Variants in SOX5 observed in about 807,000 individuals in gnomAD.
SOX5 encodes the protein transcription factor SOX-5.
In SOX5, 9 loss-of-function variants were observed where a neutral mutation model predicts 92.0. The observed-to-expected ratio is 0.10, with a 90% confidence interval of 0.06 to 0.17. The LOEUF is 0.17. Among genes scored for constraint, SOX5 ranks in the 10% least tolerant of loss-of-function variants. The pLI, the probability that SOX5 is intolerant of heterozygous loss-of-function variation, is 1.00. For synonymous variants in SOX5, 344 were observed against 336.3 expected, an observed-to-expected ratio of 1.02 and a Z score of -0.25; for missense variants, 642 against 944.5, an observed-to-expected ratio of 0.68 and a Z score of 4.20.
intron 1 of SOX5, among the ~76,000 whole-genome samples, chr12:24,484,807 C>A (rs1371275035): frequency 6.6e-6 from 1 of 152,160 alleles, no homozygotes; most frequent in Non-Finnish European, 1.5e-5. Context: ...TTATATTCTT[C>A]TCAACCCCTG....
intron 4 of SOX5, among the ~76,000 whole-genome samples, chr12:24,031,747 T>G (rs1350504720): frequency 6.6e-6 from 1 of 150,690 alleles, no homozygotes; most frequent in Non-Finnish European, 1.5e-5. Flanking sequence ...GCATGCAGCA[T>G]GAAAAAAAAA....
At chr12:23,756,522 CATT>C (rs1169873429) in intron 3 of SOX5, among the ~76,000 whole-genome samples, 1 of 151,910 alleles carries the variant, frequency 6.6e-6, no homozygotes, top group African/African-American at 2.4e-5. Context: ...AACTCCCAAA[CATT>C]AAACTCAGTT....
chr12:23,794,966 T>C (rs1349516658), intron 3 of SOX5, among the ~76,000 whole-genome samples: 1 of 152,150 alleles, frequency 6.6e-6, no homozygotes, highest in Non-Finnish European at 1.5e-5. Flanking sequence ...AAAAATTTAA[T>C]AAATTTATTT....
At chr12:24,353,451 G>A (rs1399130133) in intron 2 of SOX5, among the ~76,000 whole-genome samples, 1 of 152,160 alleles carries the variant, frequency 6.6e-6, no homozygotes, top group African/African-American at 2.4e-5. Context: ...CAACCTCAGA[G>A]GAGTACAGAA....
At chr12:24,530,107 C>T (rs780554315) in intron 1 of SOX5, among the ~76,000 whole-genome samples, 7 of 149,032 alleles carry the variant, frequency 4.7e-5, no homozygotes, top group Non-Finnish European at 8.9e-5. Flanking sequence ...AACCCATCAA[C>T]AAAAATAACT....
At chr12:24,519,249 G>C (rs2138446245) in intron 1 of SOX5, among the ~76,000 whole-genome samples, 1 of 152,078 alleles carries the variant, frequency 6.6e-6, no homozygotes, top group African/African-American at 2.4e-5. Flanking sequence ...CTAAGTTCTG[G>C]ACATATAGGA....
In SOX5 at chr12:23,533,355, T is replaced by A. The variant is rs1353472996; in HGVS notation, c.*864A>T. On this transcript the variant is annotated 3_prime_UTR_variant, in exon 15 of 15. Transcript: ENST00000451604. ...TGAGAACAGCACCTACAGTTTCCAT[T>A]AAAAAAAAAAGTCAAATCTCACCAG... The A allele has an allele frequency of 1.4e-5, 3 of 222,124 alleles. No individual in the cohort carries two copies. Among genetic ancestry groups the A allele is most frequent in the African/African-American group, 4.7e-5 (2 of 42,234 alleles). The allele number at this position is 222,124 out of a possible 1,614,324, so 13.8% of individuals were successfully genotyped here.
At chr12:23,809,823 A>G (rs2095846675) in intron 3 of SOX5, among the ~76,000 whole-genome samples, 1 of 149,664 alleles carries the variant, frequency 6.7e-6, no homozygotes, top group Admixed American at 6.7e-5. Flanking sequence ...ACTCCAATTG[A>G]TAACAGACTG....
chr12:23,644,286 T>G (rs2080533807), intron 7 of SOX5, among the ~76,000 whole-genome samples: 1 of 152,082 alleles, frequency 6.6e-6, no homozygotes, highest in South Asian at 2.1e-4. Flanking sequence ...TTGGAACAGA[T>G]TCTACCCAGG....
intron 7 of SOX5, among the ~76,000 whole-genome samples, chr12:23,643,185 T>C (rs1412766732): frequency 1.3e-5 from 2 of 151,326 alleles, no homozygotes; most frequent in African/African-American, 4.9e-5. Flanking sequence ...TTAAATGGTA[T>C]AACTGGTAAA....
chr12:23,901,016 G>A (rs976003804), intron 1 of SOX5, among the ~76,000 whole-genome samples: 1 of 152,126 alleles, frequency 6.6e-6, no homozygotes, highest in East Asian at 1.9e-4. Context: ...AAACCAAGAT[G>A]TCCAGGTCTT....
intron 4 of SOX5, among the ~76,000 whole-genome samples, chr12:24,050,680 T>C (rs1592687433): frequency 6.6e-6 from 1 of 152,216 alleles, no homozygotes. Flanking sequence ...TATGTATGCA[T>C]GCCTGCTCAG....
At position 24,335,987 on chromosome 12, in the gene SOX5, A is replaced by ATATATC. The variant is rs1555235765; in HGVS notation, c.-174+32575_-174+32576insGATATA. Reference sequence around the variant, plus strand: ...GAAATGCTATCATATATATATATATATCCATAATATTAAATTTTTCTTGTT... The same window carrying ATATATC: ...GAAATGCTATCATATATATATATATATATATCTCCATAATATTAAATTTTTCTTGTT... On this transcript the variant is annotated intron_variant, in intron 2 of 4. Coordinates refer to the SOX5 transcript ENST00000446891. Among the ~76,000 whole-genome samples, 5 of 134,370 alleles carry ATATATC rather than the reference A, an allele frequency of 3.7e-5. 1 individual carries two copies. Among genetic ancestry groups the ATATATC allele is most frequent in the East Asian group, 3.6e-4 (1 of 2,790 alleles). 88.2% of individuals were successfully genotyped at this position (134,370 alleles called of 152,430 possible).
At chr12:23,750,163 G>A (rs2094137707) in intron 4 of SOX5, among the ~76,000 whole-genome samples, 1 of 151,924 alleles carries the variant, frequency 6.6e-6, no homozygotes, top group South Asian at 2.1e-4. Flanking sequence ...AAGGCAGTGA[G>A]AAGTTAAGTT....
At chr12:23,637,502 C>CCT (rs2079419076) in intron 8 of SOX5, among the ~76,000 whole-genome samples, 1 of 152,076 alleles carries the variant, frequency 6.6e-6, no homozygotes, top group Non-Finnish European at 1.5e-5. Context: ...CTGTCTCACA[C>CCT]CTCTCTCTCA....
chr12:24,308,563 A>T (rs1262739500), intron 2 of SOX5, among the ~76,000 whole-genome samples: 7 of 152,196 alleles, frequency 4.6e-5, no homozygotes, highest in Admixed American at 4.6e-4. Flanking sequence ...CGCCACTAAG[A>T]TACTTTGTGG....
intron 1 of SOX5, among the ~76,000 whole-genome samples, chr12:24,445,579 A>G (rs1941347346): frequency 6.6e-6 from 1 of 152,256 alleles, no homozygotes; most frequent in Non-Finnish European, 1.5e-5. Context: ...GGATACTGAC[A>G]TAGCACTGAT....
chr12:23,725,345 G>A (rs563993704), intron 6 of SOX5, among the ~76,000 whole-genome samples: 50 of 152,244 alleles, frequency 3.3e-4, no homozygotes, highest in Non-Finnish European at 3.5e-4. Context: ...CGGAGATGAA[G>A]GAAGAGCAAT....
intron 1 of SOX5, among the ~76,000 whole-genome samples, chr12:23,931,091 C>A (rs1941307198): frequency 6.6e-6 from 1 of 151,756 alleles, no homozygotes; most frequent in African/African-American, 2.4e-5. Context: ...GTGTCTAGCA[C>A]ACACAAAATA....
Sources: gnomAD v4.1 joint callset for allele counts (sites outside exome capture counted in the v4.1 genomes callset) on GRCh38, gnomAD v4.1.1 for gene constraint, MANE v1.5 for transcripts, NCBI Gene and HGNC (gene_info 2026-07-23, HGNC 2026-07-21) for gene names.